AGPAT4: variants seen among roughly 807,000 people sequenced by gnomAD.
AGPAT4 encodes the protein 1-acylglycerol-3-phosphate O-acyltransferase 4.
AGPAT4 carries 15 observed loss-of-function variants against 48.0 expected under a neutral mutation model. The observed-to-expected ratio is 0.31, with a 90% CI of 0.21 to 0.48. AGPAT4 has a LOEUF of 0.48. Ranked by LOEUF, AGPAT4 falls within the 20% of genes least tolerant of loss-of-function variation. AGPAT4 has a pLI of 0.99. For synonymous variants in AGPAT4, 178 were observed against 198.7 expected (o/e 0.90, Z 0.88); for missense variants, 314 against 482.5 (o/e 0.65, Z 3.27).
rs927407192 is a variant in AGPAT4 at position 161,138,031 on chromosome 6, T to C, written c.1042+1391A>G. On this transcript the variant is annotated intron_variant, in intron 8 of 8. Coordinates refer to ENST00000320285, the MANE Select transcript of AGPAT4 (RefSeq NM_020133.3). This position sits in a 1 kb window ranked among gnomAD's most constrained non-coding sequence, Gnocchi z 4.8. ...CCCTCTCCAAGACGGCGTGGGTGTG[T>C]GTGTGCCTTGCTGTTGCCTGCTATT... Among the ~76,000 whole-genome samples the C allele has an allele frequency of 8.5e-5, 13 of 152,168 alleles. No individual in the cohort carries two copies. Among genetic ancestry groups the C allele is most frequent in the African/African-American group, 2.7e-4 (11 of 41,450 alleles).
At chr6:161,168,847 G>A (rs554861423) in intron 2 of AGPAT4, among the ~76,000 whole-genome samples, 4 of 152,118 alleles carry the variant, frequency 2.6e-5, no homozygotes, top group Non-Finnish European at 4.4e-5. Flanking sequence ...CTCCGATCCC[G>A]GTGGAGCCAC....
rs1779719810 is a variant in AGPAT4 at position 161,154,760 on chromosome 6, T to G, written c.349-450A>C. On this transcript the variant is annotated intron_variant, in intron 3 of 8. Coordinates refer to ENST00000320285, the MANE Select transcript of AGPAT4 (RefSeq NM_020133.3). The surrounding 1 kb of genome is among the most constrained non-coding windows in gnomAD (Gnocchi z 7.8). ...TGATATTACAAAATATAGTAATTCT[T>G]GATCGCTGAAAATGTCAAACGCTAG... Among the ~76,000 whole-genome samples, 1 of 152,254 alleles carries G rather than the reference T, an allele frequency of 6.6e-6. No individual in the cohort carries two copies. Among genetic ancestry groups the G allele is most frequent in the African/African-American group, 2.4e-5 (1 of 41,474 alleles).
At position 161,178,241 on chromosome 6, in the gene AGPAT4, A is replaced by G. The variant is rs1583305510; in HGVS notation, c.179-11824T>C. Among the ~76,000 whole-genome samples the G allele has an allele frequency of 6.6e-6, 1 of 152,184 alleles. No individual in the cohort carries two copies. Among genetic ancestry groups the G allele is most frequent in the East Asian group, 1.9e-4 (1 of 5,188 alleles). On this transcript the variant is annotated intron_variant, in intron 2 of 8. Transcript: ENST00000320285. The surrounding 1 kb of genome is among the most constrained non-coding windows in gnomAD (Gnocchi z 5.1). ...TGCCCTGCCCCCAGAGGTGGAGTCT[A>G]CAGAGGCATGCAGGCCTCCTTGAGC... is the stretch of plus-strand genomic sequence containing the variant.
Position 161,161,624 on chromosome 6 carries a change from A to G in AGPAT4, c.348+4624T>C. ...CATGGCGGTGGGCATATCTGCTGAA[A>G]ATACCCCTCCATATCTGGAAACTTC... On this transcript the variant is annotated intron_variant, in intron 3 of 8. Coordinates refer to ENST00000320285, the MANE Select transcript of AGPAT4 (RefSeq NM_020133.3). This position sits in a 1 kb window ranked among gnomAD's most constrained non-coding sequence, Gnocchi z 4.6. 1 of 382,582 alleles carries G rather than the reference A, an allele frequency of 2.6e-6. No homozygotes were observed. Among genetic ancestry groups the G allele is most frequent in the East Asian group, 7.3e-5 (1 of 13,642 alleles). 23.7% of individuals were successfully genotyped at this position (382,582 alleles called of 1,614,324 possible). A position where few individuals can be genotyped will look rare whatever the true frequency, so the allele number is the denominator to read the frequency against.
Position 161,146,060 on chromosome 6 carries a change from G to A in AGPAT4, c.843+464C>T, listed in dbSNP as rs943940513. ...GAGAACTGGACCACAGACAGGAACAGGACAGGGGGCACCACAGCAGGTTCG... is the reference window on the plus strand; with the variant it reads ...GAGAACTGGACCACAGACAGGAACAAGACAGGGGGCACCACAGCAGGTTCG... On this transcript the variant is annotated intron_variant, in intron 7 of 8. Coordinates refer to ENST00000320285, the MANE Select transcript of AGPAT4 (RefSeq NM_020133.3). The surrounding 1 kb of genome is among the most constrained non-coding windows in gnomAD (Gnocchi z 7.1). Among the ~76,000 whole-genome samples, 1 of 151,662 alleles carries A rather than the reference G, an allele frequency of 6.6e-6. No individual in the cohort carries two copies.
rs1781826369 is a variant in AGPAT4, at chr6:161,221,206, G to C, written c.178+10830C>G. On this transcript the variant is annotated intron_variant, in intron 2 of 8. Coordinates refer to ENST00000320285, the MANE Select transcript of AGPAT4 (RefSeq NM_020133.3). The surrounding 1 kb of genome is among the most constrained non-coding windows in gnomAD (Gnocchi z 4.5). ...GCAGAAAATCCACCCCTCGGGGCTG[G>C]GTTTCCAGCATGGCAACCACTGGCT... Among the ~76,000 whole-genome samples, 1 of 152,170 alleles carries C rather than the reference G, an allele frequency of 6.6e-6. No individual in the cohort carries two copies. The highest frequency in any genetic ancestry group is 1.5e-5 in the Non-Finnish European group (1 of 68,038).
At chr6:161,269,518 G>A (rs1444682728) in intron 1 of AGPAT4, among the ~76,000 whole-genome samples, 2 of 152,174 alleles carry the variant, frequency 1.3e-5, no homozygotes, top group Admixed American at 6.5e-5. Flanking sequence ...GCTCACGCCT[G>A]CAGTCCCAGC....
Position 161,137,006 on chromosome 6 carries a change from C to T in AGPAT4, c.1043-372G>A, listed in dbSNP as rs947132385. ...CAGGAAGTTAACAGGGCATGTTCAG[C>T]GAAGTTTTATAAAGAACAGACCAGG... On this transcript the variant is annotated intron_variant, in intron 8 of 8. Transcript: ENST00000320285. This position sits in a 1 kb window ranked among gnomAD's most constrained non-coding sequence, Gnocchi z 6.1. 2.6e-5 allele frequency among the ~76,000 whole-genome samples: 4 copies of T among 152,122 alleles called. No individual in the cohort carries two copies. The highest frequency in any genetic ancestry group is 5.9e-5 in the Non-Finnish European group (4 of 68,030).
rs750150317 is a variant in AGPAT4, at chr6:161,261,520, G to A, written c.-90+12418C>T. 1.3e-4 allele frequency among the ~76,000 whole-genome samples: 20 copies of A among 152,190 alleles called. No individual in the cohort carries two copies. Among genetic ancestry groups the A allele is most frequent in the Admixed American group, 2.6e-4 (4 of 15,282 alleles). ...ACCACACTGCTCCAGGGAAACGCCC[G>A]GCTCACGGCTGACTCATGATGGGAC... On this transcript the variant is annotated intron_variant, in intron 1 of 8. Coordinates refer to ENST00000320285, the MANE Select transcript of AGPAT4 (RefSeq NM_020133.3). This position sits in a 1 kb window ranked among gnomAD's most constrained non-coding sequence, Gnocchi z 5.3.
intron 1 of AGPAT4, among the ~76,000 whole-genome samples, chr6:161,273,030 C>G (rs181691896): frequency 3.0e-4 from 45 of 152,290 alleles, no homozygotes; most frequent in Non-Finnish European, 5.4e-4. Context: ...CAAACCTGGG[C>G]AGGCAATATC....
In AGPAT4 at chr6:161,223,344, T is replaced by G. The variant is rs913863127; in HGVS notation, c.178+8692A>C. On this transcript the variant is annotated intron_variant, in intron 2 of 8. Coordinates refer to ENST00000320285, the MANE Select transcript of AGPAT4 (RefSeq NM_020133.3). This position sits in a 1 kb window ranked among gnomAD's most constrained non-coding sequence, Gnocchi z 6.3. ...AGCAGATGTTTGCTTAACATCATCC[T>G]TGGGTGTTAAAATAAAAACTTGCAT... is the stretch of plus-strand genomic sequence containing the variant. Among the ~76,000 whole-genome samples the G allele has an allele frequency of 1.3e-5, 2 of 152,204 alleles. No individual in the cohort carries two copies. Among genetic ancestry groups the G allele is most frequent in the South Asian group, 4.1e-4 (2 of 4,826 alleles).
At chr6:161,211,556 A>G (rs1781522943) in intron 2 of AGPAT4, among the ~76,000 whole-genome samples, 1 of 152,168 alleles carries the variant, frequency 6.6e-6, no homozygotes, top group Non-Finnish European at 1.5e-5. Context: ...TTTAAGAAAG[A>G]GGGACGTTCA....
chr6:161,217,792 C>T lies in AGPAT4; in HGVS notation c.178+14244G>A, dbSNP rs1026850026. Reference sequence around the variant, plus strand: ...AGCCAGAAACCTCCTCCCCTGACCCCGCCTGCCCAGGCCACTGCCCTGGGA... The same window carrying T: ...AGCCAGAAACCTCCTCCCCTGACCCTGCCTGCCCAGGCCACTGCCCTGGGA... On this transcript the variant is annotated intron_variant, in intron 2 of 8. Coordinates refer to ENST00000320285, the MANE Select transcript of AGPAT4 (RefSeq NM_020133.3). This position sits in a 1 kb window ranked among gnomAD's most constrained non-coding sequence, Gnocchi z 4.9. Among the ~76,000 whole-genome samples the T allele has an allele frequency of 6.6e-6, 1 of 152,218 alleles. No individual in the cohort carries two copies. Among genetic ancestry groups the T allele is most frequent in the Non-Finnish European group, 1.5e-5 (1 of 68,030 alleles).
Position 161,135,654 on chromosome 6 carries a change from T to TGTCA in AGPAT4, c.*882_*885dup, listed in dbSNP as rs1393016534. ...GCATTTTATCAGGGGTGACTTTGGC[T>TGTCA]GTCACTGCTGAGAGGAACAGTCGAT... is the stretch of plus-strand genomic sequence containing the variant. On this transcript the variant is annotated 3_prime_UTR_variant, in exon 9 of 9. Coordinates refer to ENST00000320285, the MANE Select transcript of AGPAT4 (RefSeq NM_020133.3). 1.3e-5 allele frequency: 2 copies of TGTCA among 151,920 alleles called. No homozygotes were observed. Among genetic ancestry groups the TGTCA allele is most frequent in the Non-Finnish European group, 2.9e-5 (2 of 68,052 alleles). 9.4% of individuals were successfully genotyped at this position (151,920 alleles called of 1,614,324 possible).
rs1319104221 is a variant in AGPAT4, at chr6:161,264,496, AG to A, written c.-90+9441del. Among the ~76,000 whole-genome samples, 1 of 152,166 alleles carries A rather than the reference AG, an allele frequency of 6.6e-6. No individual in the cohort carries two copies. Among genetic ancestry groups the A allele is most frequent in the African/African-American group, 2.4e-5 (1 of 41,446 alleles). On this transcript the variant is annotated intron_variant, in intron 1 of 8. Coordinates refer to ENST00000320285, the MANE Select transcript of AGPAT4 (RefSeq NM_020133.3). This position sits in a 1 kb window ranked among gnomAD's most constrained non-coding sequence, Gnocchi z 6.8. ...CCTAACGTGGGGGCTGTTCTTCTCT[AG>A]GAAGTATTTTAGGAAGCCCAGACTG...
At chr6:161,253,636 TATAA>T (rs1387785618) in intron 1 of AGPAT4, among the ~76,000 whole-genome samples, 1 of 146,890 alleles carries the variant, frequency 6.8e-6, no homozygotes, top group African/African-American at 2.7e-5. Flanking sequence ...TTATTTGTAA[TATAA>T]ATAAATATAT....
intron 2 of AGPAT4, among the ~76,000 whole-genome samples, chr6:161,230,980 T>C (rs1268662731): frequency 1.3e-5 from 2 of 152,202 alleles, no homozygotes; most frequent in Non-Finnish European, 2.9e-5. Flanking sequence ...GTTTAACAAA[T>C]AAGACTGGAT....
chr6:161,156,942 CT>C (rs1330121878), intron 3 of AGPAT4, among the ~76,000 whole-genome samples: 1 of 152,242 alleles, frequency 6.6e-6, no homozygotes, highest in African/African-American at 2.4e-5. Context: ...ATAAGGGATA[CT>C]TTCAGTTAAT....
intron 1 of AGPAT4, among the ~76,000 whole-genome samples, chr6:161,269,475 A>G (rs1278792616): frequency 6.6e-6 from 1 of 152,194 alleles, no homozygotes; most frequent in Non-Finnish European, 1.5e-5. Flanking sequence ...AAATGCTTCT[A>G]TTAGAAGTGA....
Sources: gnomAD v4.1 joint callset for allele counts (sites outside exome capture counted in the v4.1 genomes callset) on GRCh38, gnomAD v4.1.1 for gene constraint, Gnocchi (gnomAD v3.1) non-coding constraint, MANE v1.5 for transcripts, NCBI Gene and HGNC (gene_info 2026-07-23, HGNC 2026-07-21) for gene names.